GOSR1: variants seen among roughly 807,000 people sequenced by gnomAD.
GOSR1 encodes the protein 28 kDa Golgi SNARE protein.
GOSR1 carries 21 observed loss-of-function variants against 35.5 expected under a neutral mutation model. That is an observed-to-expected ratio of 0.59 (90% CI 0.42 to 0.85). GOSR1 has a LOEUF of 0.85. Among genes scored for constraint, GOSR1 ranks in the 40% least tolerant of loss-of-function variants. The probability of loss-of-function intolerance (pLI) is 0.00; values close to 1 mark genes in which losing one functional copy is unlikely to be tolerated. For synonymous variants in GOSR1, 94 were observed against 106.6 expected, an observed-to-expected ratio of 0.88 and a Z score of 0.73; for missense variants, 285 against 309.6, an observed-to-expected ratio of 0.92 and a Z score of 0.60.
At chr17:30,490,247 ATATT>A in intron 5 of GOSR1, 30 bp downstream of exon 5, 1 of 1,078,742 alleles carries the variant, frequency 9.3e-7, no homozygotes, top group Non-Finnish European at 1.4e-6. Context: ...ATTTTGTAGA[ATATT>A]TATTCAGATT....
chr17:30,483,313 T>C (rs1914471774), intron 2 of GOSR1, among the ~76,000 whole-genome samples: 1 of 152,130 alleles, frequency 6.6e-6, no homozygotes, highest in African/African-American at 2.4e-5. Flanking sequence ...GAATAACCAG[T>C]AGTAGAGATT....
At chr17:30,492,148 TAA>T (rs927092340) in intron 5 of GOSR1, among the ~76,000 whole-genome samples, 3 of 152,174 alleles carry the variant, frequency 2.0e-5, no homozygotes, top group African/African-American at 4.8e-5. Context: ...ATAGTAGTGA[TAA>T]GAGTAATTTT....
Position 30,522,268 on chromosome 17 carries a change from G to C in GOSR1, c.637G>C (p.Val213Leu), listed in dbSNP as rs1384738253. ...ATTTCCCAAAGATCGTTTTCCTGCT[G>C]TAAACAGCCTGATCCAGAGGATCAA... ...MNTLANRFPA[V>L]NSLIQRINLR... The change falls in exon 9 of 9, where the codon GTA becomes CTA. Residue 213 changes from valine (V) to leucine (L), a missense_variant. Val to Leu is a conservative substitution (Grantham distance 32). This residue lies in a region of GOSR1 where 168 missense variants were observed against 183.2 expected (regional missense o/e 0.92). Coordinates refer to ENST00000451249, the MANE Select transcript of GOSR1 (RefSeq NM_001007025.2). 6.2e-7 allele frequency: 1 copy of C among 1,604,768 alleles called. No homozygotes were observed.
intron 6 of GOSR1, 71 bp downstream of exon 6, chr17:30,492,824 T>C: frequency 1.1e-6 from 1 of 881,594 alleles, no homozygotes; most frequent in South Asian, 1.3e-5. Context: ...GTAACCAACA[T>C]TTTATGATGT....
chr17:30,477,507 A>G (rs1156999428), intron 1 of GOSR1, 43 bp downstream of exon 1: 1 of 1,596,956 alleles, frequency 6.3e-7, no homozygotes, highest in Non-Finnish European at 8.6e-7. Flanking sequence ...CGAGGGTGAG[A>G]GGGGCTGAGT....
At chr17:30,520,433 G>C (rs1264982944) in intron 8 of GOSR1, 3 of 154,514 alleles carry the variant, frequency 1.9e-5, no homozygotes, top group Non-Finnish European at 4.3e-5. Flanking sequence ...GGGAAGGAAG[G>C]AGACAGCCAC....
At chr17:30,499,542 G>T (rs2321857) in intron 6 of GOSR1, among the ~76,000 whole-genome samples, 92,567 of 151,956 alleles carry the variant, frequency 0.61, 29,525 homozygotes, top group East Asian at 0.83. Flanking sequence ...GGGGTTTCAC[G>T]GTGTTAGCCA....
intron 7 of GOSR1, among the ~76,000 whole-genome samples, chr17:30,515,198 G>A (rs893001846): frequency 6.6e-6 from 1 of 152,034 alleles, no homozygotes; most frequent in African/African-American, 2.4e-5. Context: ...CATGATCATG[G>A]CTTACTGCAG....
rs1239437337 is a variant in GOSR1, at chr17:30,526,556, C to G, written c.*4178C>G. On this transcript the variant is annotated 3_prime_UTR_variant, in exon 9 of 9. Coordinates refer to ENST00000451249, the MANE Select transcript of GOSR1 (RefSeq NM_001007025.2). ...TGCATCCATTCCCACCCTGTTAGCTCTTAAGGGAGGAGGGAAATCAATTCC... is the reference window on the plus strand; with the variant it reads ...TGCATCCATTCCCACCCTGTTAGCTGTTAAGGGAGGAGGGAAATCAATTCC... 6.6e-6 allele frequency: 1 copy of G among 152,592 alleles called. No homozygotes were observed. The highest frequency in any genetic ancestry group is 1.5e-5 in the Non-Finnish European group (1 of 68,030). The allele number at this position is 152,592 out of a possible 1,614,324, so 9.5% of individuals were successfully genotyped here.
In GOSR1 at chr17:30,492,748, T is replaced by G; in HGVS notation, c.504T>G (p.Leu168=). 1 of 1,572,326 alleles carries G rather than the reference T, an allele frequency of 6.4e-7. No individual in the cohort carries two copies. The highest frequency in any genetic ancestry group is 8.8e-7 in the Non-Finnish European group (1 of 1,141,998). Residue 168 remains leucine (L), a synonymous_variant, in exon 6 of 9, where the codon CTT becomes CTG. Coordinates refer to ENST00000451249, the MANE Select transcript of GOSR1 (RefSeq NM_001007025.2). The part of the protein sequence containing the change: ...TELFLKEHDH[L]RNSDRLIEET... ...TATTTTTGAAAGAACATGACCACCT[T>G]CGAAAGTAGGTATTGAATGTATGTG...
At chr17:30,493,534 T>C (rs1036653994) in intron 6 of GOSR1, among the ~76,000 whole-genome samples, 1 of 152,186 alleles carries the variant, frequency 6.6e-6, no homozygotes, top group Admixed American at 6.5e-5. Flanking sequence ...GTTTACAAAA[T>C]AATGTGAAAA....
intron 1 of GOSR1, chr17:30,479,644 G>A (rs180988152): frequency 0.011 from 1,612 of 152,488 alleles, 17 homozygotes; most frequent in South Asian, 0.017. Flanking sequence ...GAGTAGCTGG[G>A]ACTACAGGCG....
chr17:30,522,189 G>T, intron 8 of GOSR1, 65 bp from the exon 9 acceptor site: 1 of 1,379,920 alleles, frequency 7.2e-7, no homozygotes. Flanking sequence ...CTATTTTTGT[G>T]ATTCCTACGA....
intron 6 of GOSR1, among the ~76,000 whole-genome samples, chr17:30,503,992 T>C (rs1050442592): frequency 4.0e-5 from 6 of 151,390 alleles, no homozygotes; most frequent in African/African-American, 1.5e-4. Flanking sequence ...TTTGGGATTA[T>C]AATTTTCATT....
intron 5 of GOSR1, 69 bp from the exon 6 acceptor site, chr17:30,492,610 A>G (rs1915115815): frequency 2.3e-6 from 2 of 867,376 alleles, no homozygotes; most frequent in Admixed American, 3.7e-5. Flanking sequence ...TTTCAAGATC[A>G]CTAGGGTCAG....
chr17:30,498,744 T>C (rs1173223572), intron 6 of GOSR1, among the ~76,000 whole-genome samples: 1 of 152,124 alleles, frequency 6.6e-6, no homozygotes, highest in African/African-American at 2.4e-5. Flanking sequence ...TAGGTCTCAC[T>C]CTGGCACCTG....
At chr17:30,478,916 G>A (rs1914142551) in intron 1 of GOSR1, 1 of 152,174 alleles carries the variant, frequency 6.6e-6, no homozygotes, top group African/African-American at 2.4e-5. Flanking sequence ...CTAGTCATTA[G>A]CCTGTGGTTT....
In GOSR1 at chr17:30,510,866, CT is replaced by C; in HGVS notation, c.510-9del. The C allele has an allele frequency of 6.9e-7, 1 of 1,441,186 alleles. No homozygotes were observed. The highest frequency in any genetic ancestry group is 9.7e-7 in the Non-Finnish European group (1 of 1,031,372). The allele number at this position is 1,441,186 out of a possible 1,614,324, so 89.3% of individuals were successfully genotyped here. ...TAGTAAATTCAGAATTTGAATTTTT[CT>C]TTTTATTTGCAGCTCAGATCGTCTG... On this transcript the variant is annotated splice_polypyrimidine_tract_variant and intron_variant, in intron 6 of 8. Coordinates refer to ENST00000451249, the MANE Select transcript of GOSR1 (RefSeq NM_001007025.2).
At chr17:30,502,120 A>G (rs1193892156) in intron 6 of GOSR1, among the ~76,000 whole-genome samples, 2 of 152,250 alleles carry the variant, frequency 1.3e-5, no homozygotes, top group African/African-American at 4.8e-5. Context: ...ATACTGTATA[A>G]TTTTAACTAT....
Sources: allele counts gnomAD v4.1 joint callset (sites outside exome capture counted in the v4.1 genomes callset), GRCh38; gene constraint gnomAD v4.1.1; regional missense constraint gnomAD v4.1.1; transcripts MANE v1.5; gene names NCBI Gene and HGNC (gene_info 2026-07-23, HGNC 2026-07-21).